The following CYBB variants were observed in gnomAD, a reference collection of about 807,000 sequenced individuals.
CYBB encodes the protein NADPH oxidase 2.
A neutral mutation model predicts 46.5 loss-of-function variants in CYBB; 5 were observed. The ratio of observed to expected loss-of-function variants is 0.11; its 90% CI spans 0.06 to 0.23. CYBB has a LOEUF of 0.23. CYBB is among the 10% of genes least tolerant of loss of function. The pLI is 1.00. For synonymous variants in CYBB, 183 were observed against 156.7 expected, an observed-to-expected ratio of 1.17 and a Z score of -1.26; for missense variants, 307 against 428.3, an observed-to-expected ratio of 0.72 and a Z score of 2.50.
chrX:37,783,423 G>A (rs1306001330), intron 2 of CYBB, 67 bp from the exon 3 acceptor site: 7 of 700,475 alleles, frequency 1.0e-5, no homozygotes, highest in Admixed American at 7.0e-5. Context: ...AGAACCTTGG[G>A]GAAGTGGGGA....
intron 3 of CYBB, 69 bp from the exon 4 acceptor site, chrX:37,791,906 A>C (rs1320533042): frequency 1.3e-6 from 1 of 791,786 alleles, no homozygotes; most frequent in African/African-American, 2.0e-5. Context: ...AATATGTATC[A>C]AATGTTTGAC....
At chrX:37,783,352 T>A (rs1928994309) in intron 2 of CYBB, 138 bp from the exon 3 acceptor site, 1 of 496,387 alleles carries the variant, frequency 2.0e-6, no homozygotes, top group Admixed American at 2.9e-5. Flanking sequence ...GGAAAACCGT[T>A]GGCTCTGAAG....
intron 1 of CYBB, among the ~76,000 whole-genome samples, chrX:37,781,226 G>A (rs973523894): frequency 1.8e-5 from 2 of 112,221 alleles, no homozygotes; most frequent in East Asian, 2.8e-4. Flanking sequence ...TTTAGCTCTC[G>A]CCACAATTTT....
rs1194507308 is a variant in CYBB, at chrX:37,810,888, C to T, written c.1684C>T (p.His562Tyr). 8.3e-7 allele frequency: 1 copy of T among 1,206,194 alleles called. No homozygotes were observed. The highest frequency in any genetic ancestry group is 1.1e-6 in the Non-Finnish European group (1 of 892,010). Residue 562 changes from histidine (H) to tyrosine (Y), a missense_variant, in exon 13 of 13, where the codon CAT becomes TAT. This residue lies in a region of CYBB where 122 missense variants were observed against 208.3 expected (regional missense o/e 0.59). Transcript: ENST00000378588. ...CTCTGAGTCTGGCCCTCGGGGAGTG[C>T]ATTTCATTTTCAACAAGGAAAACTT... The part of the protein sequence containing the change: ...SNSESGPRGV[H>Y]FIFNKENF
Position 37,811,204 on chromosome X carries a change from G to A in CYBB, c.*287G>A. 3.8e-6 allele frequency: 1 copy of A among 265,245 alleles called. No homozygotes were observed. The highest frequency in any genetic ancestry group is 6.9e-6 in the Non-Finnish European group (1 of 144,684). 21.9% of individuals were successfully genotyped at this position (265,245 alleles called of 1,213,427 possible). On this transcript the variant is annotated 3_prime_UTR_variant, in exon 13 of 13. Coordinates refer to ENST00000378588, the MANE Select transcript of CYBB (RefSeq NM_000397.4). ...CTTGGACTCAATTTTAGAATCAAAAGGGAAAGGATCAAAAGGTTCAGTAAC... is the reference window on the plus strand; with the variant it reads ...CTTGGACTCAATTTTAGAATCAAAAAGGAAAGGATCAAAAGGTTCAGTAAC...
At chrX:37,791,075 T>C (rs1929188293) in intron 3 of CYBB, among the ~76,000 whole-genome samples, 2 of 111,840 alleles carry the variant, frequency 1.8e-5, no homozygotes, top group African/African-American at 6.5e-5. Flanking sequence ...CAATAGTATT[T>C]TTAATGCCAA....
chrX:37,793,951 A>G, intron 5 of CYBB, 141 bp downstream of exon 5: 2 of 528,197 alleles, frequency 3.8e-6, no homozygotes, highest in Non-Finnish European at 6.3e-6. Flanking sequence ...AGGTTACAAT[A>G]ATGGGAGTAT....
At chrX:37,809,993 C>T (rs1367976765) in intron 12 of CYBB, among the ~76,000 whole-genome samples, 2 of 111,800 alleles carry the variant, frequency 1.8e-5, no homozygotes, top group Non-Finnish European at 3.8e-5. Context: ...ACCTAAATTT[C>T]ATTAGTGTAT....
At chrX:37,789,289 T>A (rs1221474743) in intron 3 of CYBB, among the ~76,000 whole-genome samples, 1 of 109,917 alleles carries the variant, frequency 9.1e-6, no homozygotes, top group African/African-American at 3.4e-5. Context: ...CTCTGCAAAA[T>A]CCCTTTTGCC....
chrX:37,805,162 CA>C lies in CYBB; in HGVS notation c.1313del (p.Lys438ArgfsTer64). On this transcript the variant is annotated frameshift_variant, in exon 10 of 13. Coordinates refer to ENST00000378588, the MANE Select transcript of CYBB (RefSeq NM_000397.4). LOFTEE classifies it high-confidence loss of function. ...YCNNATNLKL[K>X]KIYFYWLCRD... ...GCAATAACGCCACCAATCTGAAGCT[CA>C]AAAAGGTAAGTCCTTTCATTTATCG... 8.3e-7 allele frequency: 1 copy of C among 1,210,431 alleles called. No individual in the cohort carries two copies. The highest frequency in any genetic ancestry group is 1.1e-6 in the Non-Finnish European group (1 of 894,673).
chrX:37,807,301 T>C (rs1929585583), intron 11 of CYBB, among the ~76,000 whole-genome samples: 1 of 109,780 alleles, frequency 9.1e-6, no homozygotes, highest in Non-Finnish European at 1.9e-5. Flanking sequence ...CATAAGCATA[T>C]AAAGGATTCT....
chrX:37,800,218 G>A (rs1199905206), intron 7 of CYBB, among the ~76,000 whole-genome samples: 1 of 111,641 alleles, frequency 9.0e-6, no homozygotes, highest in African/African-American at 3.3e-5. Context: ...GAATTTCTAG[G>A]TATACTAGCA....
At chrX:37,805,215 C>T in intron 10 of CYBB, 47 bp downstream of exon 10, 1 of 1,170,584 alleles carries the variant, frequency 8.5e-7, no homozygotes. Context: ...TAACCATACT[C>T]TGCCATGTGA....
chrX:37,806,419 T>A lies in CYBB; in HGVS notation c.1347T>A (p.His449Gln). ...IYFYWLCRDTHAFEWFADLLQ... is the reference protein window; with the variant it reads ...IYFYWLCRDTQAFEWFADLLQ... ...TCTACTGGCTGTGCCGGGACACACA[T>A]GCCTTTGAGTGGTTTGCAGATCTGC... is the stretch of plus-strand genomic sequence containing the variant. The change falls in exon 11 of 13, where the codon CAT (histidine) becomes CAA (glutamine). Residue 449 changes from histidine (H) to glutamine (Q), a missense_variant. His to Gln is a conservative substitution (Grantham distance 24). Transcript: ENST00000378588. 8.3e-7 allele frequency: 1 copy of A among 1,210,492 alleles called. No homozygotes were observed. The highest frequency in any genetic ancestry group is 1.1e-6 in the Non-Finnish European group (1 of 894,619).
intron 12 of CYBB, among the ~76,000 whole-genome samples, chrX:37,810,202 A>G (rs1266039734): frequency 2.7e-5 from 3 of 112,019 alleles, no homozygotes; most frequent in Non-Finnish European, 3.8e-5. Flanking sequence ...AAGAAACTCA[A>G]GAGATCACCA....
At position 37,811,288 on chromosome X, in the gene CYBB, T is replaced by C. The variant is rs1233285631; in HGVS notation, c.*371T>C. ...GCCCATCTTACTCCAGGTTTGATAC[T>C]CTTTCCACAATACTGAGCTGCCTCA... On this transcript the variant is annotated 3_prime_UTR_variant, in exon 13 of 13. Coordinates refer to ENST00000378588, the MANE Select transcript of CYBB (RefSeq NM_000397.4). The C allele has an allele frequency of 5.1e-6, 1 of 194,746 alleles. No individual in the cohort carries two copies. The highest frequency in any genetic ancestry group is 7.8e-5 in the South Asian group (1 of 12,892). 16.0% of individuals were successfully genotyped at this position (194,746 alleles called of 1,213,427 possible).
chrX:37,794,193 C>T (rs1426319056), intron 5 of CYBB, among the ~76,000 whole-genome samples: 6 of 111,917 alleles, frequency 5.4e-5, no homozygotes, highest in Non-Finnish European at 7.5e-5. Flanking sequence ...GAACTCTGGG[C>T]ATCTCAAGGG....
At chrX:37,798,554 A>G (rs1228887283) in intron 6 of CYBB, among the ~76,000 whole-genome samples, 1 of 112,122 alleles carries the variant, frequency 8.9e-6, no homozygotes, top group African/African-American at 3.2e-5. Context: ...CTTTGCTTAT[A>G]TCTTCATAGG....
rs781809179 is a variant in CYBB at position 37,780,120 on chromosome X, A to T, written c.43A>T (p.Ile15Phe). ...AVNEGLSIFV[I>F]LVWLGLNVFL... ...GAATGAGGGGCTCTCCATTTTTGTC[A>T]TTGTAAGTACCAACAAGAGATAAGT... Residue 15 changes from isoleucine (I) to phenylalanine (F), a missense_variant and splice_region_variant, in exon 1 of 13, where the codon ATT (isoleucine) becomes TTT (phenylalanine). Around this residue, in one of 3 missense-constraint regions of CYBB, gnomAD observed 103 missense variants for 150.2 expected, o/e 0.69. Coordinates refer to ENST00000378588, the MANE Select transcript of CYBB (RefSeq NM_000397.4). 8.3e-6 allele frequency: 10 copies of T among 1,199,720 alleles called. No individual in the cohort carries two copies. The highest frequency in any genetic ancestry group is 4.4e-5 in the Admixed American group (2 of 45,721).
Sources: gnomAD v4.1 joint callset for allele counts (sites outside exome capture counted in the v4.1 genomes callset) on GRCh38, gnomAD v4.1.1 for gene constraint, gnomAD v4.1.1 regional missense constraint, MANE v1.5 for transcripts, NCBI Gene and HGNC (gene_info 2026-07-23, HGNC 2026-07-21) for gene names.